The following ANKFY1 variants were observed in gnomAD, a reference collection of about 807,000 sequenced individuals.
ANKFY1 encodes ankyrin repeat and FYVE domain-containing protein 1.
In ANKFY1, 47 loss-of-function variants were observed where a neutral mutation model predicts 128.3. The ratio of observed to expected loss-of-function variants is 0.37; its 90% confidence interval spans 0.29 to 0.47. ANKFY1 has a LOEUF of 0.47. Ranked by LOEUF, ANKFY1 falls within the 20% of genes least tolerant of loss-of-function variation. The pLI, the probability that ANKFY1 is intolerant of heterozygous loss-of-function variation, is 1.00. For synonymous variants in ANKFY1, 553 were observed against 601.6 expected, an observed-to-expected ratio of 0.92 and a Z score of 1.18; for missense variants, 1,222 against 1,510.6, an observed-to-expected ratio of 0.81 and a Z score of 3.17.
At chr17:4,194,278 G>GT (rs1289482554) in intron 10 of ANKFY1, among the ~76,000 whole-genome samples, 2 of 150,486 alleles carry the variant, frequency 1.3e-5, no homozygotes, top group Admixed American at 1.3e-4. Flanking sequence ...CTGATAATTT[G>GT]TTTTTTCAGT....
chr17:4,175,716 C>T (rs369068876), intron 19 of ANKFY1, among the ~76,000 whole-genome samples: 1 of 152,132 alleles, frequency 6.6e-6, no homozygotes, highest in Non-Finnish European at 1.5e-5. Context: ...ACTCTCCATA[C>T]GGGACGTCTC....
chr17:4,204,885 A>G (rs182313386), intron 7 of ANKFY1, among the ~76,000 whole-genome samples: 1 of 152,310 alleles, frequency 6.6e-6, no homozygotes, highest in East Asian at 1.9e-4. Context: ...TGCTCTTGAC[A>G]CTGACATACT....
chr17:4,263,278 G>A (rs964701291), intron 1 of ANKFY1, among the ~76,000 whole-genome samples: 12 of 152,224 alleles, frequency 7.9e-5, no homozygotes, highest in Admixed American at 2.6e-4. Context: ...TGGACGGGGA[G>A]GCAAAGGCAC....
chr17:4,255,581 T>C (rs904672314), intron 1 of ANKFY1, among the ~76,000 whole-genome samples: 11 of 152,112 alleles, frequency 7.2e-5, no homozygotes, highest in Non-Finnish European at 1.2e-4. Context: ...ACTAAATGAC[T>C]TTATACCTAT....
At chr17:4,213,566 CT>C (rs1173971536) in intron 4 of ANKFY1, among the ~76,000 whole-genome samples, 1,412 of 135,282 alleles carry the variant, frequency 0.01, 3 homozygotes, top group South Asian at 0.014. Context: ...ATATTTATTT[CT>C]TTTTTTTTTT....
rs772589429 is a variant in ANKFY1 at position 4,170,878 on chromosome 17, C to G, written c.3140-17G>C. 1 of 1,614,028 alleles carries G rather than the reference C, an allele frequency of 6.2e-7. No individual in the cohort carries two copies. Among genetic ancestry groups the G allele is most frequent in the African/African-American group, 1.3e-5 (1 of 74,930 alleles). The stretch of plus-strand genomic sequence containing the variant: ...GGAGCAGCACTGGAAAACAAAAGCA[C>G]GCGCAGGGCTACTTCCCACCCGGCC... On this transcript the variant is annotated splice_polypyrimidine_tract_variant and intron_variant, in intron 22 of 24. Transcript: ENST00000341657.
chr17:4,221,027 C>T (rs1422112372), intron 3 of ANKFY1, among the ~76,000 whole-genome samples: 2 of 152,194 alleles, frequency 1.3e-5, no homozygotes, highest in African/African-American at 4.8e-5. Flanking sequence ...CTTCTGACTT[C>T]GTTTCACTGC....
At chr17:4,186,550 T>G (rs1355688503) in intron 11 of ANKFY1, 1 of 152,376 alleles carries the variant, frequency 6.6e-6, no homozygotes, top group Non-Finnish European at 1.5e-5. Flanking sequence ...TTGAACATTA[T>G]CTGTGGGACT....
At chr17:4,173,808 A>G (rs2143000911) in intron 20 of ANKFY1, 101 bp downstream of exon 20, 2 of 1,464,324 alleles carry the variant, frequency 1.4e-6, no homozygotes, top group East Asian at 4.6e-5. Flanking sequence ...GCTCCTGTAA[A>G]AGCCAACCTC....
intron 4 of ANKFY1, among the ~76,000 whole-genome samples, chr17:4,210,281 T>C (rs1241207860): frequency 3.3e-5 from 5 of 152,164 alleles, no homozygotes; most frequent in African/African-American, 1.2e-4. Context: ...ACAAAATGGA[T>C]CAACCTCTGT....
chr17:4,210,235 C>T (rs1204989073), intron 4 of ANKFY1, among the ~76,000 whole-genome samples: 1 of 152,174 alleles, frequency 6.6e-6, no homozygotes, highest in Non-Finnish European at 1.5e-5. Flanking sequence ...ATACGACACC[C>T]GCTGATCACA....
chr17:4,179,691 C>T, intron 17 of ANKFY1, 30 bp downstream of exon 17: 1 of 1,609,972 alleles, frequency 6.2e-7, no homozygotes, highest in African/African-American at 1.3e-5. Flanking sequence ...GGGGCTACAC[C>T]TCTCTCCCCG....
chr17:4,181,448 T>C lies in ANKFY1; in HGVS notation c.2122-76A>G. On this transcript the variant is annotated intron_variant, in intron 15 of 24. Transcript: ENST00000341657. This position sits in a 1 kb window ranked among gnomAD's most constrained non-coding sequence, Gnocchi z 4.9. ...GTTTTATTACCAAGTCTGAGCTCTA[T>C]GTATAGCATTAAATCCACTTTCAGA... The C allele has an allele frequency of 2.1e-6, 2 of 966,622 alleles. No individual in the cohort carries two copies. The highest frequency in any genetic ancestry group is 2.4e-5 in the East Asian group (1 of 41,432). The allele number at this position is 966,622 out of a possible 1,614,324, so 59.9% of individuals were successfully genotyped here. A position where few individuals can be genotyped will look rare whatever the true frequency, so the allele number is the denominator to read the frequency against.
intron 6 of ANKFY1, among the ~76,000 whole-genome samples, chr17:4,207,340 C>T (rs1460799221): frequency 6.6e-6 from 1 of 152,094 alleles, no homozygotes; most frequent in African/African-American, 2.4e-5. Context: ...AGACAAAAGC[C>T]GGGGGCTATG....
chr17:4,168,139 T>C, intron 24 of ANKFY1: 1 of 418,202 alleles, frequency 2.4e-6, no homozygotes, highest in Non-Finnish European at 4.2e-6. Flanking sequence ...GAAGGCTTTT[T>C]TTTTTTTTTT....
rs893987370 is a variant in ANKFY1 at position 4,169,119 on chromosome 17, G to A, written c.3377+79C>T. Reference sequence around the variant, plus strand: ...ATGTGCAGGACCCAGGCAAGTTCACGGCCTGTCCTGGAGAAGGGGGGAAGC... The same window carrying A: ...ATGTGCAGGACCCAGGCAAGTTCACAGCCTGTCCTGGAGAAGGGGGGAAGC... On this transcript the variant is annotated intron_variant, in intron 24 of 24. Coordinates refer to ENST00000341657, the MANE Select transcript of ANKFY1 (RefSeq NM_001330063.2). The surrounding 1 kb of genome is among the most constrained non-coding windows in gnomAD (Gnocchi z 5.0). The A allele has an allele frequency of 1.1e-5, 15 of 1,372,674 alleles. No homozygotes were observed. The highest frequency in any genetic ancestry group is 2.5e-5 in the East Asian group (1 of 39,552). 85.0% of individuals were successfully genotyped at this position (1,372,674 alleles called of 1,614,324 possible). A position where few individuals can be genotyped will look rare whatever the true frequency, so the allele number is the denominator to read the frequency against.
chr17:4,173,532 AAT>A lies in ANKFY1; in HGVS notation c.2924-90_2924-89del, dbSNP rs3214819. On this transcript the variant is annotated intron_variant, in intron 20 of 24. Coordinates refer to ENST00000341657, the MANE Select transcript of ANKFY1 (RefSeq NM_001330063.2). ...CCTCACCCTCACAGACCTCTCTGTAAATGGGACCCGGCCACAGCAGCGACTGG... is the reference window on the plus strand; with the variant it reads ...CCTCACCCTCACAGACCTCTCTGTAAGGGACCCGGCCACAGCAGCGACTGG... 1.2e-3 allele frequency: 1,498 copies of A among 1,274,168 alleles called. 28 individuals are homozygous for A. The East Asian group carries it at 0.035, about 30-fold the overall frequency. 78.9% of individuals were successfully genotyped at this position (1,274,168 alleles called of 1,614,324 possible).
In ANKFY1 at chr17:4,179,943, C is replaced by T. The variant is rs915620370; in HGVS notation, c.2241-66G>A. 44 of 1,589,964 alleles carry T rather than the reference C, an allele frequency of 2.8e-5. No individual in the cohort carries two copies. The Admixed American group carries it at 6.7e-4, about 24-fold the overall frequency. On this transcript the variant is annotated intron_variant, in intron 16 of 24. Coordinates refer to ENST00000341657, the MANE Select transcript of ANKFY1 (RefSeq NM_001330063.2). ...ACCTGGCGTATAGGCATGCTGATTA[C>T]AAATGTAAAGCAGGAGCCTCATCCA... is the stretch of plus-strand genomic sequence containing the variant.
intron 3 of ANKFY1, among the ~76,000 whole-genome samples, chr17:4,220,999 A>C (rs751189324): frequency 1.4e-4 from 21 of 152,224 alleles, no homozygotes; most frequent in Non-Finnish European, 2.8e-4. Flanking sequence ...AAGGATGAAA[A>C]GTAAAATAAC....
Sources: allele counts gnomAD v4.1 joint callset (sites outside exome capture counted in the v4.1 genomes callset), GRCh38; gene constraint gnomAD v4.1.1; non-coding constraint Gnocchi (gnomAD v3.1); transcripts MANE v1.5; gene names NCBI Gene and HGNC (gene_info 2026-07-23, HGNC 2026-07-21).